GPC3: variants seen among roughly 807,000 people sequenced by gnomAD.
GPC3 encodes glypican-3.
In GPC3, 3 loss-of-function variants were observed where a neutral mutation model predicts 34.4. The observed-to-expected ratio is 0.09, with a 90% CI of 0.04 to 0.23. The LOEUF (loss-of-function observed/expected upper bound fraction) is 0.23, where lower values mean the gene tolerates loss of function less well. Among genes scored for constraint, GPC3 ranks in the 10% least tolerant of loss-of-function variants. The pLI is 1.00. For synonymous variants in GPC3, 177 were observed against 174.0 expected (o/e 1.02, Z -0.13); for missense variants, 351 against 445.6 (o/e 0.79, Z 1.91).
Position 133,687,294 on chromosome X carries a change from C to T in GPC3, c.1292+5075G>A, listed in dbSNP as rs146958781. The stretch of plus-strand genomic sequence containing the variant: ...CTTCTCTAGGTTGTGAACTCCTTAG[C>T]AGGCGCAGGAGCTGGATTCTACTTA... On this transcript the variant is annotated intron_variant, in intron 5 of 7. Coordinates refer to ENST00000370818, the MANE Select transcript of GPC3 (RefSeq NM_004484.4). 7.7e-5 allele frequency among the ~76,000 whole-genome samples: 8 copies of T among 104,478 alleles called. No homozygotes were observed. In the East Asian group the frequency reaches 2.4e-3, roughly 31 times the overall value. The allele number at this position is 104,478 out of a possible 115,157, so 90.7% of individuals were successfully genotyped here.
At chrX:133,957,797 T>A (rs1224080721) in intron 1 of GPC3, among the ~76,000 whole-genome samples, 9 of 111,341 alleles carry the variant, frequency 8.1e-5, no homozygotes, top group African/African-American at 2.9e-4. Flanking sequence ...AAGGGACAAG[T>A]AATCGTGAAG....
chrX:133,616,396 G>A (rs1245833303), intron 6 of GPC3, among the ~76,000 whole-genome samples: 4 of 111,292 alleles, frequency 3.6e-5, no homozygotes, highest in East Asian at 2.8e-4. Flanking sequence ...ATAAAAAGAC[G>A]CCCTATATCC....
chrX:133,715,098 C>G (rs991824528), intron 3 of GPC3, among the ~76,000 whole-genome samples: 3 of 111,885 alleles, frequency 2.7e-5, no homozygotes, highest in South Asian at 7.5e-4. Flanking sequence ...TCTCTGTGGG[C>G]ACCATTTAAT....
chrX:133,601,985 A>G (rs2069986873), intron 6 of GPC3, among the ~76,000 whole-genome samples: 1 of 112,132 alleles, frequency 8.9e-6, no homozygotes, highest in South Asian at 3.7e-4. Context: ...TTGCAGCACT[A>G]TTCACAATAG....
intron 3 of GPC3, chrX:133,704,412 T>C: frequency 3.1e-6 from 1 of 327,627 alleles, no homozygotes; most frequent in Non-Finnish European, 5.3e-6. Context: ...CATACAAATA[T>C]GTTTAATATA....
intron 2 of GPC3, among the ~76,000 whole-genome samples, chrX:133,826,436 T>A (rs1164130258): frequency 9.0e-6 from 1 of 111,206 alleles, no homozygotes; most frequent in Non-Finnish European, 1.9e-5. Flanking sequence ...AAGAGCATAT[T>A]TGAGCAGGCA....
intron 6 of GPC3, among the ~76,000 whole-genome samples, chrX:133,601,043 G>A (rs2069975586): frequency 9.0e-6 from 1 of 111,565 alleles, no homozygotes; most frequent in African/African-American, 3.3e-5. Flanking sequence ...CACTTCTGCT[G>A]TGCATTACTT....
At chrX:133,819,351 C>T (rs181957901) in intron 2 of GPC3, among the ~76,000 whole-genome samples, 333 of 108,462 alleles carry the variant, frequency 3.1e-3, no homozygotes, top group Non-Finnish European at 5.0e-3. Flanking sequence ...CTACTGGTGT[C>T]CTGTCCAACA....
chrX:133,636,124 G>GA (rs1012314594), intron 6 of GPC3, among the ~76,000 whole-genome samples: 14 of 111,102 alleles, frequency 1.3e-4, no homozygotes, highest in Middle Eastern at 4.6e-3. Flanking sequence ...GTTCACAAAA[G>GA]AAAAAAAACA....
At chrX:133,766,043 C>G (rs991019259) in intron 2 of GPC3, among the ~76,000 whole-genome samples, 11 of 111,744 alleles carry the variant, frequency 9.8e-5, no homozygotes, top group African/African-American at 3.2e-4. Flanking sequence ...TAAGGTAGAT[C>G]TGAGATAAGC....
At chrX:133,721,273 G>A (rs781623983) in intron 3 of GPC3, among the ~76,000 whole-genome samples, 59 of 108,909 alleles carry the variant, frequency 5.4e-4, no homozygotes, top group Non-Finnish European at 1.1e-3. Flanking sequence ...TAGGTAGATT[G>A]ATAAAGAAAA....
At chrX:133,772,846 C>T (rs966701409) in intron 2 of GPC3, among the ~76,000 whole-genome samples, 1 of 110,667 alleles carries the variant, frequency 9.0e-6, no homozygotes, top group African/African-American at 3.3e-5. Context: ...AACTGAGGCT[C>T]AGGGAGCAGA....
chrX:133,759,900 C>T (rs913944638), intron 2 of GPC3, among the ~76,000 whole-genome samples: 3 of 111,220 alleles, frequency 2.7e-5, no homozygotes, highest in Admixed American at 9.6e-5. Flanking sequence ...CTGATAAAGG[C>T]CTTGTATCCA....
chrX:133,543,710 G>A (rs1190815293), intron 7 of GPC3, among the ~76,000 whole-genome samples: 3 of 112,418 alleles, frequency 2.7e-5, no homozygotes, highest in African/African-American at 9.7e-5. Flanking sequence ...GTGGGTTGTA[G>A]GTACATGAAG....
chrX:133,963,286 A>C (rs984215114), intron 1 of GPC3, among the ~76,000 whole-genome samples: 3 of 111,819 alleles, frequency 2.7e-5, no homozygotes, highest in Non-Finnish European at 3.8e-5. Context: ...TGCAGTGGCA[A>C]AGGGAAAAAC....
intron 6 of GPC3, among the ~76,000 whole-genome samples, chrX:133,610,295 C>G (rs1219314148): frequency 9.0e-6 from 1 of 111,180 alleles, no homozygotes; most frequent in Non-Finnish European, 1.9e-5. Flanking sequence ...TACTTGGAAT[C>G]CTTCCCTATC....
chrX:133,917,708 A>AT (rs1057116332), intron 2 of GPC3, among the ~76,000 whole-genome samples: 1 of 111,921 alleles, frequency 8.9e-6, no homozygotes, highest in Non-Finnish European at 1.9e-5. Context: ...AAGGGAAGAT[A>AT]TTTTTTTAAA....
intron 7 of GPC3, among the ~76,000 whole-genome samples, chrX:133,549,695 A>C (rs1332006001): frequency 1.1e-4 from 7 of 64,208 alleles, no homozygotes; most frequent in Admixed American, 2.5e-4. Context: ...CTCTCCCTCC[A>C]TCCTTCCCCC....
intron 2 of GPC3, among the ~76,000 whole-genome samples, chrX:133,838,434 A>G (rs1002965504): frequency 1.8e-5 from 2 of 112,566 alleles, no homozygotes; most frequent in African/African-American, 6.5e-5. Context: ...CATACTGGGT[A>G]CTTGAGTCTT....
Sources: gnomAD v4.1 joint callset for allele counts (sites outside exome capture counted in the v4.1 genomes callset) on GRCh38, gnomAD v4.1.1 for gene constraint, MANE v1.5 for transcripts, NCBI Gene and HGNC (gene_info 2026-07-23, HGNC 2026-07-21) for gene names.